KLRG1: variants seen among roughly 807,000 people sequenced by gnomAD.
KLRG1 encodes killer cell lectin-like receptor subfamily G member 1.
Under a neutral mutation model 21.8 loss-of-function variants are expected in KLRG1, and 16 were observed. That is an observed-to-expected ratio of 0.73 (90% CI 0.50 to 1.11). KLRG1 has a LOEUF of 1.11. Among genes scored for constraint, KLRG1 ranks in the 50% most tolerant of loss-of-function variants. The pLI, the probability that KLRG1 is intolerant of heterozygous loss-of-function variation, is 0.00. For missense variants in KLRG1, 173 were observed against 218.3 expected, an observed-to-expected ratio of 0.79 and a Z score of 1.31; for synonymous variants, 69 against 75.9, an observed-to-expected ratio of 0.91 and a Z score of 0.47.
chr12:9,089,969 C>T, the KLRG1 span: 3 of 1,611,156 alleles, frequency 1.9e-6, no homozygotes, highest in Non-Finnish European at 1.7e-6. Context: ...CACCTCAGTC[C>T]CACACAGCTC....
chr12:8,963,452 A>G (rs1737635615), intron 1 of KLRG1, among the ~76,000 whole-genome samples: 1 of 152,048 alleles, frequency 6.6e-6, no homozygotes, highest in Non-Finnish European at 1.5e-5. Context: ...TTTATTGAGG[A>G]TTTTCGCATC....
the KLRG1 span, among the ~76,000 whole-genome samples, chr12:9,187,077 C>CA: frequency 0.035 from 4,458 of 128,678 alleles, 196 homozygotes; most frequent in African/African-American, 0.11. Context: ...CAAGAAAGGT[C>CA]AAAAAAAAAA....
the KLRG1 span, among the ~76,000 whole-genome samples, chr12:9,212,025 G>A: frequency 4.8e-4 from 73 of 152,332 alleles, no homozygotes; most frequent in African/African-American, 1.7e-3. Context: ...GAGATATGTG[G>A]ATGAATGTGG....
the KLRG1 span, chr12:9,201,196 C>T: frequency 1.5e-6 from 2 of 1,355,834 alleles, no homozygotes; most frequent in Non-Finnish European, 2.1e-6. Flanking sequence ...TACAATCAAC[C>T]TGACAACTGG....
chr12:8,967,050 C>T (rs1238684084), intron 1 of KLRG1, among the ~76,000 whole-genome samples: 1 of 149,552 alleles, frequency 6.7e-6, no homozygotes, highest in Non-Finnish European at 1.5e-5. Flanking sequence ...ATGGATGAAG[C>T]TGGAAACCAT....
chr12:9,127,705 C>T, the KLRG1 span: 44 of 160,834 alleles, frequency 2.7e-4, no homozygotes, highest in South Asian at 6.3e-3. Context: ...GCTATGGCAG[C>T]GGCGATGCCA....
At chr12:9,079,860 C>T in the KLRG1 span, 1 of 1,471,112 alleles carries the variant, frequency 6.8e-7, no homozygotes, top group Non-Finnish European at 9.1e-7. Context: ...TGGAGATTAT[C>T]ATCTATCAAA....
the KLRG1 span, among the ~76,000 whole-genome samples, chr12:9,073,859 G>A: frequency 1.3e-5 from 2 of 152,104 alleles, no homozygotes; most frequent in Non-Finnish European, 1.5e-5. Context: ...AGGCCAAGGC[G>A]GATGGATTGC....
At chr12:9,093,249 T>G in the KLRG1 span, among the ~76,000 whole-genome samples, 1 of 151,942 alleles carries the variant, frequency 6.6e-6, no homozygotes, top group Non-Finnish European at 1.5e-5. Flanking sequence ...GTGCTTGCTA[T>G]GCACACAAAA....
At chr12:8,994,027 T>C (rs1405661131) in intron 2 of KLRG1, among the ~76,000 whole-genome samples, 1 of 152,206 alleles carries the variant, frequency 6.6e-6, no homozygotes, top group East Asian at 1.9e-4. Flanking sequence ...GGAATCTTGG[T>C]TGGAATTACC....
At chr12:9,140,188 C>A in the KLRG1 span, among the ~76,000 whole-genome samples, 3 of 152,190 alleles carry the variant, frequency 2.0e-5, no homozygotes, top group Non-Finnish European at 4.4e-5. Flanking sequence ...GTGAAATGGC[C>A]ATGATCCTGT....
chr12:9,070,514 T>A, the KLRG1 span: 1 of 1,613,730 alleles, frequency 6.2e-7, no homozygotes, highest in East Asian at 2.2e-5. Context: ...TTCAGGGGAA[T>A]GAAGCCAGAG....
chr12:9,073,620 T>A, the KLRG1 span, among the ~76,000 whole-genome samples: 1 of 152,206 alleles, frequency 6.6e-6, no homozygotes, highest in Non-Finnish European at 1.5e-5. Context: ...TTTTGTCACA[T>A]TTTTTCCGTT....
chr12:9,101,536 G>A, the KLRG1 span: 1 of 1,613,946 alleles, frequency 6.2e-7, no homozygotes, highest in Admixed American at 1.7e-5. Flanking sequence ...TGGCCACAGG[G>A]TAGTTCATGA....
At chr12:8,998,254 A>G (rs183703196) in intron 3 of KLRG1, among the ~76,000 whole-genome samples, 20 of 152,206 alleles carry the variant, frequency 1.3e-4, no homozygotes, top group African/African-American at 4.3e-4. Context: ...GTTTGAACCC[A>G]GGAGGTGGAG....
At chr12:9,160,158 A>G in the KLRG1 span, 1 of 1,129,284 alleles carries the variant, frequency 8.9e-7, no homozygotes. Context: ...TGTGAATGTT[A>G]TGGATAGATC....
At chr12:9,152,985 CT>C in the KLRG1 span, 2 of 1,613,664 alleles carry the variant, frequency 1.2e-6, no homozygotes, top group Non-Finnish European at 8.5e-7. Context: ...CAGTTTCTCT[CT>C]TTTTCTGGAC....
chr12:9,105,152 T>C, the KLRG1 span, among the ~76,000 whole-genome samples: 3 of 152,282 alleles, frequency 2.0e-5, no homozygotes, highest in Non-Finnish European at 4.4e-5. Context: ...TCTTTTTCAG[T>C]ATAAGCTACA....
At chr12:9,176,364 G>A in the KLRG1 span, among the ~76,000 whole-genome samples, 3 of 152,146 alleles carry the variant, frequency 2.0e-5, no homozygotes, top group African/African-American at 7.2e-5. Flanking sequence ...TAATACCTAG[G>A]TGATGGGTTG....
Sources: gnomAD v4.1 joint callset for allele counts (sites outside exome capture counted in the v4.1 genomes callset) on GRCh38, gnomAD v4.1.1 for gene constraint, MANE v1.5 for transcripts, NCBI Gene and HGNC (gene_info 2026-07-23, HGNC 2026-07-21) for gene names.